Variants in PRKCE observed in about 807,000 individuals in gnomAD.
The protein encoded by PRKCE is protein kinase C epsilon type.
PRKCE carries 16 observed loss-of-function variants against 85.4 expected under a neutral mutation model. The observed-to-expected ratio is 0.19, with a 90% CI of 0.13 to 0.28. PRKCE has a LOEUF of 0.28. Among genes scored for constraint, PRKCE ranks in the 10% least tolerant of loss-of-function variants. The pLI, the probability that PRKCE is intolerant of heterozygous loss-of-function variation, is 1.00. For synonymous variants in PRKCE, 388 were observed against 371.5 expected, an observed-to-expected ratio of 1.04 and a Z score of -0.51; for missense variants, 573 against 975.2, an observed-to-expected ratio of 0.59 and a Z score of 5.49.
chr2:45,693,807 G>C (rs994078892), intron 1 of PRKCE, among the ~76,000 whole-genome samples: 1 of 152,154 alleles, frequency 6.6e-6, no homozygotes, highest in African/African-American at 2.4e-5. Flanking sequence ...GCAGGTTAAA[G>C]AGAAGGAATT....
chr2:46,075,201 C>T (rs1199328599), intron 10 of PRKCE, among the ~76,000 whole-genome samples: 6 of 151,918 alleles, frequency 3.9e-5, no homozygotes, highest in African/African-American at 9.7e-5. Flanking sequence ...CCACCACGCC[C>T]GGCTAACTTT....
chr2:45,916,172 TA>T (rs1697756189), intron 2 of PRKCE, among the ~76,000 whole-genome samples: 1 of 139,894 alleles, frequency 7.1e-6, no homozygotes, highest in Non-Finnish European at 1.7e-5. Context: ...TAAAATTTTC[TA>T]AAATGTAGTA....
At chr2:45,878,651 G>A (rs749450379) in intron 2 of PRKCE, among the ~76,000 whole-genome samples, 1 of 152,172 alleles carries the variant, frequency 6.6e-6, no homozygotes, top group Non-Finnish European at 1.5e-5. Context: ...TTCAGGGGTT[G>A]TTATTTTTAG....
At chr2:45,794,042 C>G (rs1156289847) in intron 1 of PRKCE, among the ~76,000 whole-genome samples, 1 of 152,152 alleles carries the variant, frequency 6.6e-6, no homozygotes, top group Non-Finnish European at 1.5e-5. Context: ...AAAACCTTGC[C>G]TTATTATCGT....
intron 2 of PRKCE, among the ~76,000 whole-genome samples, chr2:45,946,898 G>T (rs12466402): frequency 0.55 from 84,416 of 152,102 alleles, 23,615 homozygotes; most frequent in East Asian, 0.69. Flanking sequence ...CTCCTTGGGT[G>T]GGCTTGCCAC....
chr2:45,784,095 G>A (rs941712603), intron 1 of PRKCE, among the ~76,000 whole-genome samples: 3 of 152,274 alleles, frequency 2.0e-5, no homozygotes, highest in Non-Finnish European at 4.4e-5. Flanking sequence ...GGACCTCAGG[G>A]TCTAGTTGAA....
intron 1 of PRKCE, among the ~76,000 whole-genome samples, chr2:45,744,736 A>G (rs550456544): frequency 1.3e-5 from 2 of 151,692 alleles, no homozygotes; most frequent in East Asian, 3.9e-4. Flanking sequence ...AGCCTCCTAG[A>G]TAGCTGGGAC....
At chr2:45,910,781 C>T (rs1016649136) in intron 2 of PRKCE, among the ~76,000 whole-genome samples, 5 of 152,090 alleles carry the variant, frequency 3.3e-5, no homozygotes, top group African/African-American at 4.8e-5. Context: ...GAGAACCTAG[C>T]CAAGGTTAGG....
At chr2:45,969,710 A>C (rs1701981971) in intron 2 of PRKCE, among the ~76,000 whole-genome samples, 1 of 152,250 alleles carries the variant, frequency 6.6e-6, no homozygotes, top group Non-Finnish European at 1.5e-5. Flanking sequence ...TGAAAGCTTT[A>C]AAAAGTCACT....
intron 11 of PRKCE, among the ~76,000 whole-genome samples, chr2:46,112,581 C>T (rs904731418): frequency 1.3e-5 from 2 of 151,932 alleles, no homozygotes; most frequent in African/African-American, 4.8e-5. Flanking sequence ...TACAGTGGCA[C>T]AATCTTGGCT....
At chr2:45,881,178 A>G (rs895413986) in intron 2 of PRKCE, among the ~76,000 whole-genome samples, 41 of 147,056 alleles carry the variant, frequency 2.8e-4, no homozygotes, top group African/African-American at 9.2e-4. Context: ...AAAAGATTTC[A>G]GGGTGTATTT....
intron 11 of PRKCE, among the ~76,000 whole-genome samples, chr2:46,102,958 A>T (rs1015358012): frequency 5.3e-5 from 8 of 152,160 alleles, no homozygotes; most frequent in Non-Finnish European, 1.2e-4. Flanking sequence ...TTCTTTGCAA[A>T]GAAGTATTAT....
At position 45,697,529 on chromosome 2, in the gene PRKCE, C is replaced by A. The variant is rs934620002; in HGVS notation, c.348+45081C>A. ...AGCAAAGAATTGGAGGGACAGAGAA[C>A]AGGCTCTGCTCTTCACTCAGGGTGG... On this transcript the variant is annotated intron_variant, in intron 1 of 14. Coordinates refer to ENST00000306156, the MANE Select transcript of PRKCE (RefSeq NM_005400.3). This position sits in a 1 kb window ranked among gnomAD's most constrained non-coding sequence, Gnocchi z 4.2. 2.0e-5 allele frequency among the ~76,000 whole-genome samples: 3 copies of A among 152,314 alleles called. No individual in the cohort carries two copies. Among genetic ancestry groups the A allele is most frequent in the Admixed American group, 1.3e-4 (2 of 15,310 alleles).
At chr2:45,951,014 C>T (rs1300445163) in intron 2 of PRKCE, among the ~76,000 whole-genome samples, 2 of 152,196 alleles carry the variant, frequency 1.3e-5, no homozygotes, top group Admixed American at 1.3e-4. Context: ...CTTGTACATC[C>T]CCAGTCATGA....
At chr2:45,659,127 C>A (rs750247619) in intron 1 of PRKCE, among the ~76,000 whole-genome samples, 1 of 152,140 alleles carries the variant, frequency 6.6e-6, no homozygotes, top group Non-Finnish European at 1.5e-5. Flanking sequence ...TATGGGATTG[C>A]CTTCAGGTCC....
intron 2 of PRKCE, among the ~76,000 whole-genome samples, chr2:45,852,217 G>A (rs545993190): frequency 3.9e-5 from 6 of 152,224 alleles, no homozygotes; most frequent in Non-Finnish European, 8.8e-5. Flanking sequence ...ATTCAAGTTT[G>A]TGTGTTTCCT....
At chr2:45,666,004 A>G (rs1000971519) in intron 1 of PRKCE, among the ~76,000 whole-genome samples, 2 of 152,132 alleles carry the variant, frequency 1.3e-5, no homozygotes, top group Admixed American at 6.5e-5. Flanking sequence ...TTCTAGAGTC[A>G]TGGAGAAGGC....
rs2104154391 is a variant in PRKCE, at chr2:46,106,301, T to C, written c.1592+19939T>C. On this transcript the variant is annotated intron_variant, in intron 11 of 14. Transcript: ENST00000306156. ...ATCATTCTAGCCTCTTCTCATTGCT[T>C]ATCTGTGAACTCCCACTCTGGCATT... is the stretch of plus-strand genomic sequence containing the variant. Among the ~76,000 whole-genome samples the C allele has an allele frequency of 1.3e-5, 2 of 152,334 alleles. 1 individual carries two copies. The highest frequency in any genetic ancestry group is 4.1e-4 in the South Asian group (2 of 4,828).
intron 1 of PRKCE, among the ~76,000 whole-genome samples, chr2:45,746,593 T>C (rs1683154138): frequency 1.3e-5 from 2 of 152,220 alleles, no homozygotes; most frequent in Admixed American, 1.3e-4. Flanking sequence ...ATGTGGATAG[T>C]GCTACTTATT....
Sources: gnomAD v4.1 joint callset for allele counts (sites outside exome capture counted in the v4.1 genomes callset) on GRCh38, gnomAD v4.1.1 for gene constraint, Gnocchi (gnomAD v3.1) non-coding constraint, MANE v1.5 for transcripts, NCBI Gene and HGNC (gene_info 2026-07-23, HGNC 2026-07-21) for gene names.